Variants in RTP5 observed in about 807,000 individuals in gnomAD.
RTP5 encodes receptor transporter protein 5 (putative), also known as receptor-transporting protein 5.
A neutral mutation model predicts 23.5 loss-of-function variants in RTP5; 30 were observed. The ratio of observed to expected loss-of-function variants is 1.27; its 90% CI spans 0.95 to 1.73. RTP5 has a LOEUF of 1.73. RTP5 is among the 40% of genes most tolerant of loss of function. The pLI is 0.00. For missense variants in RTP5, 807 were observed against 784.2 expected (o/e 1.03, Z -0.35); for synonymous variants, 354 against 342.1 (o/e 1.03, Z -0.38).
Position 241,871,798 on chromosome 2 carries a change from C to T in RTP5, c.243C>T (p.His81=). Residue 81 remains histidine (H), a synonymous_variant, in exon 2 of 2, where the codon CAC becomes CAT. Coordinates refer to ENST00000343216, the MANE Select transcript of RTP5 (RefSeq NM_173821.3). ...ACCTGTGGTGGGACAGGGCCAGCCA[C>T]CGGGGGCTGGTGAAGATGCGCATCT... ...LFHLWWDRAS[H]RGLVKMRIWG... 6.3e-7 allele frequency: 1 copy of T among 1,578,844 alleles called. No homozygotes were observed.
In RTP5 at chr2:241,869,919, G is replaced by C; in HGVS notation, c.158+5G>C. 1.3e-6 allele frequency: 2 copies of C among 1,518,064 alleles called. No homozygotes were observed. Among genetic ancestry groups the C allele is most frequent in the South Asian group, 1.3e-5 (1 of 78,980 alleles). 94.0% of individuals were successfully genotyped at this position (1,518,064 alleles called of 1,614,324 possible). On this transcript the variant is annotated splice_donor_5th_base_variant and intron_variant, in intron 1 of 1. Transcript: ENST00000343216. ...CCTGCTGGTGGGGCTCTCGAGGTGC[G>C]GCCAGAGGTTGGGGACCCTGGGAGA...
At chr2:241,871,592 G>T (rs1215757272) in intron 1 of RTP5, 122 bp from the exon 2 acceptor site, 2 of 1,309,878 alleles carry the variant, frequency 1.5e-6, no homozygotes, top group East Asian at 5.4e-5. Flanking sequence ...AGTGTGGGAT[G>T]TGAGGCAGGG....
chr2:241,873,159 G>GGCCGCAC lies in RTP5; in HGVS notation c.1609_1615dup (p.Glu539AlafsTer99). On this transcript the variant is annotated frameshift_variant, in exon 2 of 2. Coordinates refer to ENST00000343216, the MANE Select transcript of RTP5 (RefSeq NM_173821.3). LOFTEE classifies it high-confidence loss of function. ...GAGCGCCCTGGCCGTGCCTGCCGTAGGCCGCACGCCGAGCCCTACGAGGAC... is the reference window on the plus strand; with the variant it reads ...GAGCGCCCTGGCCGTGCCTGCCGTAGGCCGCACGCCGCACGCCGAGCCCTACGAGGAC... 1 of 1,612,202 alleles carries GGCCGCAC rather than the reference G, an allele frequency of 6.2e-7. No homozygotes were observed. The highest frequency in any genetic ancestry group is 8.5e-7 in the Non-Finnish European group (1 of 1,179,894).
chr2:241,872,918 G>T lies in RTP5; in HGVS notation c.1363G>T (p.Ala455Ser). Residue 455 changes from alanine (A) to serine (S), a missense_variant, in exon 2 of 2, where the codon GCC (alanine) becomes TCC (serine). Transcript: ENST00000343216. ...TGGCCTGGTCACCGCGGGTCACGAC[G>T]CCCCTCTGGAGGCCAATGCCGAGGG... ...EGGLVTAGHD[A>S]PLEANAEGPI... 1 of 1,612,942 alleles carries T rather than the reference G, an allele frequency of 6.2e-7. No homozygotes were observed. Among genetic ancestry groups the T allele is most frequent in the Non-Finnish European group, 8.5e-7 (1 of 1,179,980 alleles).
chr2:241,872,891 G>A lies in RTP5; in HGVS notation c.1336G>A (p.Gly446Ser), dbSNP rs748203611. The A allele has an allele frequency of 3.1e-6, 5 of 1,612,742 alleles. No individual in the cohort carries two copies. The South Asian group carries it at 3.3e-5, about 11-fold the overall frequency. Residue 446 changes from glycine (G) to serine (S), a missense_variant, in exon 2 of 2, where the codon GGT becomes AGT. Physicochemically the swap from Gly to Ser is moderately conservative, Grantham distance 56. Coordinates refer to ENST00000343216, the MANE Select transcript of RTP5 (RefSeq NM_173821.3). ...TDITEGKEKE[G>S]GLVTAGHDAP... ...CATCACTGAAGGCAAAGAGAAGGAA[G>A]GTGGCCTGGTCACCGCGGGTCACGA...
At chr2:241,869,936 C>T in intron 1 of RTP5, 22 bp downstream of exon 1, 1 of 1,474,526 alleles carries the variant, frequency 6.8e-7, no homozygotes, top group Non-Finnish European at 9.0e-7. Context: ...GGTTGGGGAC[C>T]CTGGGAGAGG....
In RTP5 at chr2:241,871,838, A is replaced by T. The variant is rs752226399; in HGVS notation, c.283A>T (p.Arg95Trp). Residue 95 changes from arginine (R) to tryptophan (W), a missense_variant, in exon 2 of 2, where the codon AGG becomes TGG. Physicochemically the swap from Arg to Trp is moderately radical, Grantham distance 101 (BLOSUM62 -3). Transcript: ENST00000343216. ...GATGCGCATCTGGGGCCAGCGGTGC[A>T]GGCTGTGCCCCGCACCCGGGGACTG... ...VKMRIWGQRC[R>W]LCPAPGDCQV... 3.9e-6 allele frequency: 6 copies of T among 1,552,848 alleles called. No individual in the cohort carries two copies. The highest frequency in any genetic ancestry group is 5.2e-6 in the Non-Finnish European group (6 of 1,148,898).
At position 241,872,554 on chromosome 2, in the gene RTP5, C is replaced by T; in HGVS notation, c.999C>T (p.Ala333=). The T allele has an allele frequency of 6.5e-7, 1 of 1,548,752 alleles. No homozygotes were observed. ...PTVFYCVGLS[A]SGEGSLTFPS... ...TGTTCTACTGTGTGGGCCTCTCGGC[C>T]AGCGGGGAGGGCTCCCTCACCTTCC... The change falls in exon 2 of 2, where the codon GCC becomes GCT. Residue 333 remains alanine (A), a synonymous_variant. Coordinates refer to ENST00000343216, the MANE Select transcript of RTP5 (RefSeq NM_173821.3).
rs1559458130 is a variant in RTP5 at position 241,872,245 on chromosome 2, C to T, written c.690C>T (p.Leu230=). ...CTGCCCCCCCTGCGGGGGCCTCTCT[C>T]CCTGTGACTGGCAGCTGTGAGGCCC... The part of the protein sequence containing the change: ...EGPAPPAGAS[L]PVTGSCEALV... Residue 230 remains leucine (L), a synonymous_variant, in exon 2 of 2, where the codon CTC becomes CTT. Transcript: ENST00000343216. 1.2e-6 allele frequency: 2 copies of T among 1,604,590 alleles called. No homozygotes were observed. The highest frequency in any genetic ancestry group is 4.5e-5 in the East Asian group (2 of 44,594).
At position 241,873,084 on chromosome 2, in the gene RTP5, T is replaced by TGAGGTCCAGGTTCCAC; in HGVS notation, c.1530_1545dup (p.Lys516GlufsTer25). 6.2e-7 allele frequency: 1 copy of TGAGGTCCAGGTTCCAC among 1,612,862 alleles called. No individual in the cohort carries two copies. The highest frequency in any genetic ancestry group is 8.5e-7 in the Non-Finnish European group (1 of 1,179,930). On this transcript the variant is annotated frameshift_variant, in exon 2 of 2. Transcript: ENST00000343216. LOFTEE classifies it high-confidence loss of function. ...CAAGGCTATTACCAGAAGAGGCAGC[T>TGAGGTCCAGGTTCCAC]GAGGTCCAGGTTCCACAAGGCCCGC...
In RTP5 at chr2:241,871,733, C is replaced by T; in HGVS notation, c.178C>T (p.Pro60Ser). The T allele has an allele frequency of 1.9e-6, 3 of 1,606,160 alleles. No homozygotes were observed. The highest frequency in any genetic ancestry group is 2.5e-6 in the Non-Finnish European group (3 of 1,177,064). ...GLSRLQCGHCPGTWDSAHVHV... is the reference protein window; with the variant it reads ...GLSRLQCGHCSGTWDSAHVHV... ...CCGCAGGCTCCAGTGCGGTCACTGT[C>T]CGGGGACCTGGGACTCGGCCCATGT... Residue 60 changes from proline to serine, a missense_variant, in exon 2 of 2, where the codon CCG becomes TCG. By Grantham distance (74) the Pro-to-Ser change is moderately conservative. Transcript: ENST00000343216.
intron 1 of RTP5, among the ~76,000 whole-genome samples, 192 bp downstream of exon 1, chr2:241,870,106 G>C (rs993990271): frequency 6.6e-6 from 1 of 152,208 alleles, no homozygotes; most frequent in African/African-American, 2.4e-5. Context: ...GGCTGCTGAC[G>C]CAGGGGTCCC....
intron 1 of RTP5, 22 bp from the exon 2 acceptor site, chr2:241,871,692 C>A (rs768712139): frequency 1.9e-6 from 3 of 1,575,096 alleles, no homozygotes; most frequent in Non-Finnish European, 1.7e-6. Flanking sequence ...TGCACTCACA[C>A]ACACTTCTTT....
chr2:241,869,735 C>T lies in RTP5; in HGVS notation c.-22C>T, dbSNP rs1052683195. 2.1e-5 allele frequency: 32 copies of T among 1,488,956 alleles called. No homozygotes were observed. The highest frequency in any genetic ancestry group is 2.7e-5 in the Non-Finnish European group (30 of 1,122,970). The allele number at this position is 1,488,956 out of a possible 1,614,324, so 92.2% of individuals were successfully genotyped here. On this transcript the variant is annotated 5_prime_UTR_variant, in exon 1 of 2. Transcript: ENST00000343216. ...CCCGGCGGGCGCAGCCCTCAGCCCA[C>T]ACTGCGGAGCCAGGCGGCAGCATGG...
At chr2:241,870,464 C>G (rs1333066378) in intron 1 of RTP5, among the ~76,000 whole-genome samples, 2 of 152,248 alleles carry the variant, frequency 1.3e-5, no homozygotes, top group African/African-American at 2.4e-5. Flanking sequence ...GGCCGGGTGC[C>G]AGCTGGGAGG....
Position 241,872,229 on chromosome 2 carries a change from C to A in RTP5, c.674C>A (p.Pro225His), listed in dbSNP as rs745856756. Residue 225 changes from proline to histidine, a missense_variant, in exon 2 of 2, where the codon CCT (proline) becomes CAT (histidine). Pro to His is a moderately conservative substitution (Grantham distance 77). Transcript: ENST00000343216. ...QVPIAEGPAP[P>H]AGASLPVTGS... ...CCCATCGCTGAGGGCCCTGCCCCCC[C>A]TGCGGGGGCCTCTCTCCCTGTGACT... The A allele has an allele frequency of 7.5e-6, 12 of 1,607,890 alleles. No homozygotes were observed. Among genetic ancestry groups the A allele is most frequent in the African/African-American group, 1.3e-5 (1 of 74,786 alleles).
In RTP5 at chr2:241,873,032, G is replaced by C. The variant is rs1180154963; in HGVS notation, c.1477G>C (p.Gly493Arg). 1.2e-6 allele frequency: 2 copies of C among 1,613,056 alleles called. No homozygotes were observed. The highest frequency in any genetic ancestry group is 1.7e-6 in the Non-Finnish European group (2 of 1,179,896). Reference protein sequence around the residue: ...KRKGGGHVAYGPQGNGCFSQG... With the variant: ...KRKGGGHVAYRPQGNGCFSQG... ...CAAGGGCGGTGGCCACGTTGCCTAC[G>C]GCCCCCAGGGCAATGGCTGCTTCTC... Residue 493 changes from glycine to arginine, a missense_variant, in exon 2 of 2, where the codon GGC (glycine) becomes CGC (arginine). Gly to Arg is a moderately radical substitution (Grantham distance 125). Coordinates refer to ENST00000343216, the MANE Select transcript of RTP5 (RefSeq NM_173821.3).
In RTP5 at chr2:241,873,146, C is replaced by G. The variant is rs756088216; in HGVS notation, c.1591C>G (p.Arg531Gly). The G allele has an allele frequency of 2.5e-6, 4 of 1,611,616 alleles. No homozygotes were observed. The highest frequency in any genetic ancestry group is 1.7e-5 in the Admixed American group (1 of 60,002). The change falls in exon 2 of 2, where the codon CGT becomes GGT. Residue 531 changes from arginine to glycine, a missense_variant. Transcript: ENST00000343216. ...CCGGGAGGAAGACGAGCGCCCTGGC[C>G]GTGCCTGCCGTAGGCCGCACGCCGA... is the stretch of plus-strand genomic sequence containing the variant. ...CRREEDERPGRACRRPHAEPY... is the reference protein window; with the variant it reads ...CRREEDERPGGACRRPHAEPY...
At chr2:241,870,680 T>G (rs1001248801) in intron 1 of RTP5, among the ~76,000 whole-genome samples, 1 of 152,232 alleles carries the variant, frequency 6.6e-6, no homozygotes, top group South Asian at 2.1e-4. Context: ...TAACCCGTGT[T>G]GGGGTCTGAG....
Sources: allele counts gnomAD v4.1 joint callset (sites outside exome capture counted in the v4.1 genomes callset), GRCh38; gene constraint gnomAD v4.1.1; transcripts MANE v1.5; gene names NCBI Gene and HGNC (gene_info 2026-07-23, HGNC 2026-07-21).